SHISA9: variants seen among roughly 807,000 people sequenced by gnomAD.
SHISA9 encodes shisa family member 9.
SHISA9 carries 13 observed loss-of-function variants against 38.0 expected under a neutral mutation model. That is an observed-to-expected ratio of 0.34 (90% CI 0.22 to 0.54). The LOEUF is 0.54. SHISA9 is among the 20% of genes least tolerant of loss of function. The pLI is 0.91. For missense variants in SHISA9, 538 were observed against 575.8 expected (o/e 0.93, Z 0.67); for synonymous variants, 275 against 242.0 (o/e 1.14, Z -1.27).
At chr16:13,225,589 A>T (rs1331893135) in intron 4 of SHISA9, among the ~76,000 whole-genome samples, 1 of 152,308 alleles carries the variant, frequency 6.6e-6, no homozygotes, top group Admixed American at 6.5e-5. Flanking sequence ...ACCAGGTGAA[A>T]TCCATCACCT....
At chr16:13,142,199 G>A (rs1032042468) in intron 2 of SHISA9, among the ~76,000 whole-genome samples, 1 of 152,194 alleles carries the variant, frequency 6.6e-6, no homozygotes, top group South Asian at 2.1e-4. Flanking sequence ...CGAAGTGGGA[G>A]TCTAGAAATC....
chr16:13,187,558 C>T (rs905815235), intron 2 of SHISA9, among the ~76,000 whole-genome samples: 8 of 151,982 alleles, frequency 5.3e-5, no homozygotes, highest in African/African-American at 1.9e-4. Flanking sequence ...TGGTCTCAAA[C>T]TCCTGATGTC....
At chr16:13,302,414 G>A in the SHISA9 span, among the ~76,000 whole-genome samples, 1 of 152,120 alleles carries the variant, frequency 6.6e-6, no homozygotes, top group Non-Finnish European at 1.5e-5. Flanking sequence ...GGCAAACGAT[G>A]CCACCAGCCT....
the SHISA9 span, among the ~76,000 whole-genome samples, chr16:13,518,927 C>G: frequency 3.3e-5 from 5 of 152,212 alleles, no homozygotes; most frequent in African/African-American, 1.2e-4. Flanking sequence ...AGGGGGTGAA[C>G]TTTCCTAGGA....
the SHISA9 span, among the ~76,000 whole-genome samples, chr16:13,309,712 C>T: frequency 2.0e-5 from 3 of 150,606 alleles, no homozygotes; most frequent in Admixed American, 6.6e-5. Context: ...ATTTTTAACT[C>T]TTTTATGATT....
chr16:13,475,369 A>G, the SHISA9 span, among the ~76,000 whole-genome samples: 3 of 129,308 alleles, frequency 2.3e-5, no homozygotes, highest in Non-Finnish European at 3.4e-5. Flanking sequence ...TTATATATAT[A>G]TGAAACAATT....
At chr16:12,930,450 G>A (rs2071448554) in intron 2 of SHISA9, among the ~76,000 whole-genome samples, 1 of 152,192 alleles carries the variant, frequency 6.6e-6, no homozygotes, top group African/African-American at 2.4e-5. Flanking sequence ...CAAAGGCAGT[G>A]TTTTCAAAGT....
chr16:13,437,569 C>T, the SHISA9 span, among the ~76,000 whole-genome samples: 1 of 152,146 alleles, frequency 6.6e-6, no homozygotes, highest in African/African-American at 2.4e-5. Flanking sequence ...CGTGTGTTTA[C>T]CCTCTTCTGT....
the SHISA9 span, among the ~76,000 whole-genome samples, chr16:13,511,927 C>T: frequency 6.6e-6 from 1 of 152,044 alleles, no homozygotes; most frequent in Admixed American, 6.6e-5. Context: ...AGGGAACAAT[C>T]CTAAGAGTTC....
At chr16:13,558,700 T>A in the SHISA9 span, among the ~76,000 whole-genome samples, 9 of 152,276 alleles carry the variant, frequency 5.9e-5, no homozygotes, top group Admixed American at 4.6e-4. Context: ...CACACTTTAT[T>A]TGGGGAACAA....
the SHISA9 span, among the ~76,000 whole-genome samples, chr16:13,298,569 G>C: frequency 6.6e-6 from 1 of 152,092 alleles, no homozygotes; most frequent in Non-Finnish European, 1.5e-5. Context: ...ACATTCCTCA[G>C]GATCACCAAG....
chr16:13,020,604 T>TG (rs1241431673), intron 2 of SHISA9, among the ~76,000 whole-genome samples: 6 of 152,180 alleles, frequency 3.9e-5, no homozygotes, highest in Non-Finnish European at 7.3e-5. Flanking sequence ...CACATATTTG[T>TG]GGAGTCAAGG....
At chr16:13,216,184 CAA>C (rs929173872) in intron 4 of SHISA9, among the ~76,000 whole-genome samples, 21,350 of 111,948 alleles carry the variant, frequency 0.19, 1,623 homozygotes, top group Middle Eastern at 0.22. Context: ...GAGACTCTGT[CAA>C]AAAAAAAAAA....
At chr16:13,421,536 G>A in the SHISA9 span, among the ~76,000 whole-genome samples, 1 of 152,140 alleles carries the variant, frequency 6.6e-6, no homozygotes, top group Non-Finnish European at 1.5e-5. Context: ...ATGTCCCACT[G>A]GATCCTTCCC....
intron 2 of SHISA9, among the ~76,000 whole-genome samples, chr16:13,189,527 T>A (rs2050862275): frequency 6.6e-6 from 1 of 152,210 alleles, no homozygotes; most frequent in Non-Finnish European, 1.5e-5. Context: ...CTTAGAGATA[T>A]GAGGGTAAAA....
intron 2 of SHISA9, among the ~76,000 whole-genome samples, chr16:13,077,244 T>TA (rs2073593439): frequency 7.9e-6 from 1 of 126,672 alleles, no homozygotes; most frequent in African/African-American, 4.2e-5. Flanking sequence ...CTTCTTCTTC[T>TA]TTTTTTTTTT....
At chr16:13,020,598 T>C (rs2072840289) in intron 2 of SHISA9, among the ~76,000 whole-genome samples, 1 of 152,180 alleles carries the variant, frequency 6.6e-6, no homozygotes, top group African/African-American at 2.4e-5. Context: ...TACAGACACA[T>C]ATTTGTGGAG....
At chr16:13,218,056 G>A (rs1487450366) in intron 4 of SHISA9, among the ~76,000 whole-genome samples, 1 of 152,012 alleles carries the variant, frequency 6.6e-6, no homozygotes. Context: ...AGGAAGGTAG[G>A]AAGGAAGGAA....
At chr16:13,059,216 C>G (rs576238006) in intron 2 of SHISA9, among the ~76,000 whole-genome samples, 4 of 150,770 alleles carry the variant, frequency 2.7e-5, no homozygotes, top group East Asian at 3.9e-4. Flanking sequence ...CAAGCTCCCC[C>G]TCCCGGGTTC....
Sources: allele counts gnomAD v4.1 joint callset (sites outside exome capture counted in the v4.1 genomes callset), GRCh38; gene constraint gnomAD v4.1.1; transcripts MANE v1.5; gene names NCBI Gene and HGNC (gene_info 2026-07-23, HGNC 2026-07-21).